The following XYLT1 variants were observed in gnomAD, a reference collection of about 807,000 sequenced individuals.
XYLT1 encodes the protein xylosyltransferase 1.
In XYLT1, 36 loss-of-function variants were observed where a neutral mutation model predicts 91.3. The ratio of observed to expected loss-of-function variants is 0.39; its 90% CI spans 0.30 to 0.52. The LOEUF is 0.52. Ranked by LOEUF, XYLT1 falls within the 20% of genes least tolerant of loss-of-function variation. The probability of loss-of-function intolerance (pLI) is 0.68; values close to 1 mark genes in which losing one functional copy is unlikely to be tolerated. For synonymous variants in XYLT1, 588 were observed against 532.0 expected (o/e 1.11, Z -1.45); for missense variants, 1,242 against 1,284.5 (o/e 0.97, Z 0.51).
chr16:17,383,899 C>A (rs2141885924), intron 1 of XYLT1, among the ~76,000 whole-genome samples: 1 of 150,708 alleles, frequency 6.6e-6, no homozygotes, highest in Admixed American at 6.6e-5. Context: ...AGGTGCCCGC[C>A]ACCACGCCTG....
chr16:17,160,694 C>T (rs988409445), intron 5 of XYLT1, among the ~76,000 whole-genome samples: 2 of 152,188 alleles, frequency 1.3e-5, no homozygotes, highest in Non-Finnish European at 2.9e-5. Context: ...GCTAACCCCA[C>T]GTGTCCCTAC....
intron 1 of XYLT1, 66 bp from the exon 2 acceptor site, chr16:17,358,116 T>G: frequency 6.8e-7 from 1 of 1,460,452 alleles, no homozygotes; most frequent in Non-Finnish European, 9.3e-7. Context: ...CCCCAGCATC[T>G]TTTTCTTTCT....
Position 17,409,547 on chromosome 16 carries a change from T to C in XYLT1, c.364-51497A>G, listed in dbSNP as rs1016190350. On this transcript the variant is annotated intron_variant, in intron 1 of 11. Transcript: ENST00000261381. ...AGTTGGTTTTGAAGTATTGAGACAC[T>C]TTTTTTTTTTTTTTTTTTTTTAGAT... 9.7e-5 allele frequency among the ~76,000 whole-genome samples: 5 copies of C among 51,740 alleles called. No homozygotes were observed. In the South Asian group the frequency reaches 1.7e-3, roughly 18 times the overall value. 33.9% of individuals were successfully genotyped at this position (51,740 alleles called of 152,430 possible). A position where few individuals can be genotyped will look rare whatever the true frequency, so the allele number is the denominator to read the frequency against.
chr16:17,305,871 G>A (rs2034463655), intron 2 of XYLT1, among the ~76,000 whole-genome samples: 1 of 152,120 alleles, frequency 6.6e-6, no homozygotes, highest in Non-Finnish European at 1.5e-5. Flanking sequence ...CCCTTCCCCT[G>A]ACACCGCCGT....
At chr16:17,234,913 C>T (rs1052346922) in intron 3 of XYLT1, among the ~76,000 whole-genome samples, 3 of 152,142 alleles carry the variant, frequency 2.0e-5, no homozygotes, top group South Asian at 2.1e-4. Flanking sequence ...TAATGGTCTG[C>T]GGCAGTTTAA....
At chr16:17,293,734 C>T (rs2034266185) in intron 2 of XYLT1, among the ~76,000 whole-genome samples, 2 of 151,924 alleles carry the variant, frequency 1.3e-5, no homozygotes, top group South Asian at 4.1e-4. Flanking sequence ...AGTGATCCTC[C>T]CTCCTCGGAT....
At chr16:17,185,716 C>A (rs993235272) in intron 5 of XYLT1, among the ~76,000 whole-genome samples, 3 of 152,248 alleles carry the variant, frequency 2.0e-5, no homozygotes, top group Admixed American at 2.0e-4. Context: ...TATATAGATT[C>A]TTGGCTGGGT....
chr16:17,339,846 C>A (rs1481890125), intron 2 of XYLT1, among the ~76,000 whole-genome samples: 1 of 151,966 alleles, frequency 6.6e-6, no homozygotes, highest in Non-Finnish European at 1.5e-5. Flanking sequence ...TTCCTTCCTT[C>A]CCTCCTTCCG....
At chr16:17,135,898 C>T (rs2030700371) in intron 8 of XYLT1, among the ~76,000 whole-genome samples, 1 of 152,246 alleles carries the variant, frequency 6.6e-6, no homozygotes, top group South Asian at 2.1e-4. Flanking sequence ...TGTGTTCCAA[C>T]TAAACTTCAT....
At chr16:17,350,138 T>C (rs2035200513) in intron 2 of XYLT1, among the ~76,000 whole-genome samples, 1 of 152,126 alleles carries the variant, frequency 6.6e-6, no homozygotes, top group African/African-American at 2.4e-5. Flanking sequence ...CCTCCCAAAG[T>C]GGTGGGATTA....
intron 3 of XYLT1, among the ~76,000 whole-genome samples, chr16:17,241,134 A>G (rs1319589276): frequency 6.6e-6 from 1 of 152,232 alleles, no homozygotes; most frequent in Non-Finnish European, 1.5e-5. Flanking sequence ...TGCAGTCTTT[A>G]TTGCTCTACA....
At chr16:17,308,678 C>T (rs2034501467) in intron 2 of XYLT1, among the ~76,000 whole-genome samples, 1 of 152,168 alleles carries the variant, frequency 6.6e-6, no homozygotes, top group Non-Finnish European at 1.5e-5. Flanking sequence ...TTGAACAATA[C>T]CCTACTCTTC....
intron 2 of XYLT1, among the ~76,000 whole-genome samples, chr16:17,335,602 G>C (rs1177121095): frequency 6.6e-6 from 1 of 151,166 alleles, no homozygotes; most frequent in Non-Finnish European, 1.5e-5. Flanking sequence ...GGTGAGGCAG[G>C]AGAATCGCTT....
chr16:17,325,125 C>T (rs1157210485), intron 2 of XYLT1, among the ~76,000 whole-genome samples: 1 of 152,084 alleles, frequency 6.6e-6, no homozygotes, highest in Non-Finnish European at 1.5e-5. Context: ...GTGCCGGGCA[C>T]GGTGGCTCAT....
chr16:17,324,942 C>T lies in XYLT1; in HGVS notation c.402+33070G>A, dbSNP rs75107225. Among the ~76,000 whole-genome samples the T allele has an allele frequency of 6.2e-3, 937 of 151,144 alleles. 26 individuals carry two copies. In the East Asian group the frequency reaches 0.069, roughly 11 times the overall value. ...TTCCATTTATGAAGGCAAAGAAAGACGATGCTTTATCATAACACGAGTTAT... is the reference window on the plus strand; with the variant it reads ...TTCCATTTATGAAGGCAAAGAAAGATGATGCTTTATCATAACACGAGTTAT... On this transcript the variant is annotated intron_variant, in intron 2 of 11. Transcript: ENST00000261381.
intron 1 of XYLT1, among the ~76,000 whole-genome samples, chr16:17,378,608 C>T (rs117296272): frequency 6.6e-6 from 1 of 152,294 alleles, no homozygotes; most frequent in East Asian, 1.9e-4. Flanking sequence ...GCAATAACTG[C>T]CATTTATGAA....
chr16:17,445,352 T>C (rs1003763125), intron 1 of XYLT1, among the ~76,000 whole-genome samples: 1 of 152,192 alleles, frequency 6.6e-6, no homozygotes, highest in African/African-American at 2.4e-5. Flanking sequence ...TCCATAAATA[T>C]TAATATTTGT....
intron 3 of XYLT1, among the ~76,000 whole-genome samples, chr16:17,207,272 T>C (rs746473177): frequency 1.7e-4 from 26 of 152,154 alleles, no homozygotes; most frequent in African/African-American, 6.3e-4. Flanking sequence ...GTTGGCTGGG[T>C]TGGTCTCGAA....
chr16:17,374,654 CAA>C (rs1247514272), intron 1 of XYLT1, among the ~76,000 whole-genome samples: 1 of 131,200 alleles, frequency 7.6e-6, no homozygotes, highest in East Asian at 2.0e-4. Context: ...AAAAAAAAAA[CAA>C]GAGGTGATAT....
Sources: allele counts gnomAD v4.1 joint callset (sites outside exome capture counted in the v4.1 genomes callset), GRCh38; gene constraint gnomAD v4.1.1; transcripts MANE v1.5; gene names NCBI Gene and HGNC (gene_info 2026-07-23, HGNC 2026-07-21).